Variants in UGT2A2 observed in about 807,000 individuals in gnomAD.
UGT2A2 encodes UDP-glucuronosyltransferase 2A2.
Under a neutral mutation model 50.7 loss-of-function variants are expected in UGT2A2, and 60 were observed. The observed-to-expected ratio is 1.18, with a 90% CI of 0.96 to 1.47. UGT2A2 has a LOEUF of 1.47. Among genes scored for constraint, UGT2A2 ranks in the 40% most tolerant of loss-of-function variants. The probability of loss-of-function intolerance (pLI) is 0.00; values close to 1 mark genes in which losing one functional copy is unlikely to be tolerated. For synonymous variants in UGT2A2, 242 were observed against 214.6 expected, an observed-to-expected ratio of 1.13 and a Z score of -1.11; for missense variants, 762 against 634.0, an observed-to-expected ratio of 1.20 and a Z score of -2.17.
chr4:69,612,098 G>T (rs376813970), intron 1 of UGT2A2, among the ~76,000 whole-genome samples: 9 of 151,982 alleles, frequency 5.9e-5, no homozygotes, highest in African/African-American at 2.2e-4. Flanking sequence ...TAGCCTCAAA[G>T]CCTTCCCACA....
At chr4:69,594,341 TA>T in intron 5 of UGT2A2, 135 bp downstream of exon 5, 1 of 1,215,426 alleles carries the variant, frequency 8.2e-7, no homozygotes, top group Non-Finnish European at 1.1e-6. Context: ...GTTTGGCAAA[TA>T]AAATAGTTTT....
chr4:69,608,050 T>A (rs933119527), intron 1 of UGT2A2, among the ~76,000 whole-genome samples: 1 of 152,092 alleles, frequency 6.6e-6, no homozygotes, highest in Non-Finnish European at 1.5e-5. Flanking sequence ...TACCATTTGA[T>A]CCAGCCATCC....
At chr4:69,597,441 T>A (rs1404279378) in intron 2 of UGT2A2, among the ~76,000 whole-genome samples, 2 of 152,152 alleles carry the variant, frequency 1.3e-5, no homozygotes, top group Non-Finnish European at 2.9e-5. Flanking sequence ...CACTGCAAAA[T>A]CTGAGATTAA....
At chr4:69,595,540 C>A (rs768400468) in intron 3 of UGT2A2, among the ~76,000 whole-genome samples, 40 of 152,090 alleles carry the variant, frequency 2.6e-4, no homozygotes, top group Admixed American at 3.3e-4. Flanking sequence ...CCAGTTTAAT[C>A]AATCACAACA....
Position 69,602,473 on chromosome 4 carries a change from A to G in UGT2A2, c.743-3079T>C, listed in dbSNP as rs1414355698. Among the ~76,000 whole-genome samples the G allele has an allele frequency of 2.3e-5, 3 of 128,462 alleles. 1 individual carries two copies. Among genetic ancestry groups the G allele is most frequent in the Non-Finnish European group, 3.3e-5 (2 of 60,830 alleles). 84.3% of individuals were successfully genotyped at this position (128,462 alleles called of 152,430 possible). On this transcript the variant is annotated intron_variant, in intron 1 of 5. Transcript: ENST00000604629. ...CAAAGATTTAGGAGTTTATCTATCT[A>G]TCTATCTATCTATCTATCTATCTAT... is the stretch of plus-strand genomic sequence containing the variant.
intron 1 of UGT2A2, among the ~76,000 whole-genome samples, chr4:69,625,637 A>G (rs970054804): frequency 6.6e-6 from 1 of 151,146 alleles, no homozygotes; most frequent in African/African-American, 2.4e-5. Flanking sequence ...TTCTCATTAT[A>G]TGCTTACTTT....
At chr4:69,628,392 A>G (rs558199701) in intron 1 of UGT2A2, among the ~76,000 whole-genome samples, 1 of 152,076 alleles carries the variant, frequency 6.6e-6, no homozygotes, top group Admixed American at 6.6e-5. Context: ...AAACAGTATT[A>G]AAGCACACGT....
At chr4:69,601,304 G>C (rs1719274085) in intron 1 of UGT2A2, among the ~76,000 whole-genome samples, 2 of 152,116 alleles carry the variant, frequency 1.3e-5, no homozygotes, top group Admixed American at 1.3e-4. Context: ...GACTGACCCA[G>C]CCTCGTGTTC....
chr4:69,621,047 C>T (rs1720724494), intron 1 of UGT2A2, among the ~76,000 whole-genome samples: 1 of 151,846 alleles, frequency 6.6e-6, no homozygotes. Context: ...ACTATAGAAA[C>T]CTAGAAGACA....
At chr4:69,592,287 C>A (rs1718637224) in intron 5 of UGT2A2, among the ~76,000 whole-genome samples, 1 of 151,832 alleles carries the variant, frequency 6.6e-6, no homozygotes, top group South Asian at 2.1e-4. Context: ...CAATTAAGTC[C>A]AATACAACAT....
chr4:69,621,268 C>T (rs1471075599), intron 1 of UGT2A2, among the ~76,000 whole-genome samples: 1 of 151,886 alleles, frequency 6.6e-6, no homozygotes, highest in Non-Finnish European at 1.5e-5. Context: ...GATCTAATAT[C>T]CAGTATTTAC....
chr4:69,594,981 G>A lies in UGT2A2; in HGVS notation c.1111+181C>T, dbSNP rs535255695. ...ATGTTAACTGAAAATGCTCTTTTGTGAACCAGAGGAAGCCTGAGTCTATAA... is the reference window on the plus strand; with the variant it reads ...ATGTTAACTGAAAATGCTCTTTTGTAAACCAGAGGAAGCCTGAGTCTATAA... On this transcript the variant is annotated intron_variant, in intron 4 of 5. Coordinates refer to ENST00000604629, the MANE Select transcript of UGT2A2 (RefSeq NM_001105677.2). 7.9e-5 allele frequency among the ~76,000 whole-genome samples: 12 copies of A among 152,262 alleles called. No individual in the cohort carries two copies. The East Asian group carries it at 2.3e-3, about 29-fold the overall frequency.
At chr4:69,606,059 C>T (rs1294768632) in intron 1 of UGT2A2, among the ~76,000 whole-genome samples, 3 of 136,836 alleles carry the variant, frequency 2.2e-5, no homozygotes, top group Non-Finnish European at 4.7e-5. Flanking sequence ...GGGAATCCTC[C>T]TTAAATCATT....
rs779140284 is a variant in UGT2A2, at chr4:69,604,120, C to T, written c.743-4726G>A. 2.2e-5 allele frequency among the ~76,000 whole-genome samples: 3 copies of T among 135,312 alleles called. 1 individual carries two copies. Among genetic ancestry groups the T allele is most frequent in the Non-Finnish European group, 4.7e-5 (3 of 63,864 alleles). 88.8% of individuals were successfully genotyped at this position (135,312 alleles called of 152,430 possible). A position where few individuals can be genotyped will look rare whatever the true frequency, so the allele number is the denominator to read the frequency against. The stretch of plus-strand genomic sequence containing the variant: ...AACTCCAAGACACATAATTGTCAGA[C>T]TCACCAAAGTAGAAATGAAGGAAAA... On this transcript the variant is annotated intron_variant, in intron 1 of 5. Transcript: ENST00000604629.
Position 69,607,100 on chromosome 4 carries a change from C to T in UGT2A2, c.743-7706G>A, listed in dbSNP as rs1430831219. On this transcript the variant is annotated intron_variant, in intron 1 of 5. Coordinates refer to ENST00000604629, the MANE Select transcript of UGT2A2 (RefSeq NM_001105677.2). The stretch of plus-strand genomic sequence containing the variant: ...GTTCATATGGAACCAAAAAAGAGCC[C>T]GCATTGCCAAGTCAATCCTAAGCCA... Among the ~76,000 whole-genome samples the T allele has an allele frequency of 1.9e-4, 27 of 138,960 alleles. 2 individuals carry two copies. The highest frequency in any genetic ancestry group is 1.1e-3 in the Admixed American group (16 of 14,086). 91.2% of individuals were successfully genotyped at this position (138,960 alleles called of 152,430 possible).
At chr4:69,593,314 A>C (rs1577941108) in intron 5 of UGT2A2, among the ~76,000 whole-genome samples, 1 of 93,386 alleles carries the variant, frequency 1.1e-5, no homozygotes, top group Non-Finnish European at 2.3e-5. Flanking sequence ...TAAATGTGAG[A>C]AAAAAATGAC....
intron 1 of UGT2A2, among the ~76,000 whole-genome samples, chr4:69,613,217 C>A (rs1188495825): frequency 1.3e-5 from 2 of 151,630 alleles, no homozygotes; most frequent in African/African-American, 2.4e-5. Flanking sequence ...GACATATAGA[C>A]CAATGGAATA....
intron 5 of UGT2A2, among the ~76,000 whole-genome samples, chr4:69,593,984 T>TG (rs1256936307): frequency 1.4e-4 from 21 of 148,524 alleles, no homozygotes; most frequent in Non-Finnish European, 2.4e-4. Context: ...TTTGTTTGTT[T>TG]TTTTTTTTGA....
intron 1 of UGT2A2, among the ~76,000 whole-genome samples, chr4:69,601,627 T>A (rs906181530): frequency 5.3e-5 from 8 of 152,044 alleles, no homozygotes; most frequent in African/African-American, 1.9e-4. Context: ...CACATGCCAG[T>A]ACGTTACTAC....
Sources: gnomAD v4.1 joint callset for allele counts (sites outside exome capture counted in the v4.1 genomes callset) on GRCh38, gnomAD v4.1.1 for gene constraint, MANE v1.5 for transcripts, NCBI Gene and HGNC (gene_info 2026-07-23, HGNC 2026-07-21) for gene names.